The following ERC2 variants were observed in gnomAD, a reference collection of about 807,000 sequenced individuals.
The protein encoded by ERC2 is ERC protein 2.
A neutral mutation model predicts 114.8 loss-of-function variants in ERC2; 42 were observed. The ratio of observed to expected loss-of-function variants is 0.37; its 90% CI spans 0.29 to 0.47. The LOEUF (loss-of-function observed/expected upper bound fraction) is 0.47, where lower values mean the gene tolerates loss of function less well. ERC2 is among the 20% of genes least tolerant of loss of function. The pLI is 0.99. For missense variants in ERC2, 939 were observed against 1,150.7 expected (o/e 0.82, Z 2.66); for synonymous variants, 454 against 425.5 (o/e 1.07, Z -0.82).
intron 3 of ERC2, among the ~76,000 whole-genome samples, chr3:56,218,923 G>A (rs1363967411): frequency 1.3e-5 from 2 of 152,098 alleles, no homozygotes; most frequent in South Asian, 4.2e-4. Flanking sequence ...CTCACTCATA[G>A]GTGGGAACTG....
At chr3:55,873,925 T>C (rs1027827202) in intron 14 of ERC2, among the ~76,000 whole-genome samples, 3 of 152,234 alleles carry the variant, frequency 2.0e-5, no homozygotes, top group Non-Finnish European at 4.4e-5. Context: ...GACATTAGAC[T>C]GTTAACTAGG....
chr3:55,952,186 C>T (rs370757074), intron 12 of ERC2, among the ~76,000 whole-genome samples: 1 of 96,248 alleles, frequency 1.0e-5, no homozygotes, highest in African/African-American at 4.3e-5. Flanking sequence ...CACACTCTCT[C>T]TCTCTCTCTC....
chr3:56,031,163 C>T (rs1303975061), intron 7 of ERC2, among the ~76,000 whole-genome samples: 2 of 152,192 alleles, frequency 1.3e-5, no homozygotes, highest in Non-Finnish European at 2.9e-5. Flanking sequence ...CCCAGGTCAG[C>T]CCTAATGACC....
rs544739091 is a variant in ERC2 at position 55,600,547 on chromosome 3, G to A, written c.*39+83247C>T. Among the ~76,000 whole-genome samples the A allele has an allele frequency of 4.6e-5, 7 of 152,278 alleles. No individual in the cohort carries two copies. The South Asian group carries it at 1.5e-3, about 32-fold the overall frequency. ...GTCCCATTTTTTGTTGATTTATTTG[G>A]ATTTTCAGATCAAGACATTATTTCT... is the stretch of plus-strand genomic sequence containing the variant. On this transcript the variant is annotated intron_variant, in intron 17 of 17. Coordinates refer to ENST00000288221, the MANE Select transcript of ERC2 (RefSeq NM_015576.3).
intron 3 of ERC2, among the ~76,000 whole-genome samples, chr3:56,234,399 G>A (rs904816959): frequency 6.6e-6 from 1 of 152,140 alleles, no homozygotes; most frequent in African/African-American, 2.4e-5. Flanking sequence ...ATGGGTAATT[G>A]GAGAGCTGGG....
intron 2 of ERC2, among the ~76,000 whole-genome samples, chr3:56,352,605 T>C (rs370469010): frequency 4.6e-5 from 7 of 152,328 alleles, no homozygotes; most frequent in African/African-American, 9.6e-5. Flanking sequence ...ACCACAAATC[T>C]AGCAGTTAAA....
At position 55,543,920 on chromosome 3, in the gene ERC2, C is replaced by G. The variant is rs571463426; in HGVS notation, c.*40-32644G>C. Among the ~76,000 whole-genome samples the G allele has an allele frequency of 1.9e-4, 29 of 152,332 alleles. No individual in the cohort carries two copies. The South Asian group carries it at 2.9e-3, about 15-fold the overall frequency. On this transcript the variant is annotated intron_variant, in intron 17 of 17. Transcript: ENST00000288221. ...CTCCCCACGATCCTCAATTCAGATTCTCAAGAACAAGAACCTGCCTGGCCT... is the reference window on the plus strand; with the variant it reads ...CTCCCCACGATCCTCAATTCAGATTGTCAAGAACAAGAACCTGCCTGGCCT...
intron 14 of ERC2, among the ~76,000 whole-genome samples, chr3:55,861,589 T>C (rs1227992183): frequency 6.6e-6 from 1 of 152,246 alleles, no homozygotes; most frequent in Admixed American, 6.5e-5. Flanking sequence ...TAATTTTTTT[T>C]TCATTTCTCT....
intron 3 of ERC2, among the ~76,000 whole-genome samples, chr3:56,195,233 G>A (rs918709231): frequency 3.3e-5 from 5 of 152,132 alleles, no homozygotes; most frequent in African/African-American, 1.2e-4. Flanking sequence ...TAATAGGAAG[G>A]TGGCATAGAC....
chr3:55,688,565 G>T (rs2148793350), intron 16 of ERC2, among the ~76,000 whole-genome samples: 1 of 152,252 alleles, frequency 6.6e-6, no homozygotes, highest in East Asian at 1.9e-4. Flanking sequence ...CGTTGAACTT[G>T]GTCCTGCCTT....
chr3:55,912,710 C>T (rs34797820), intron 13 of ERC2, among the ~76,000 whole-genome samples: 92,217 of 151,686 alleles, frequency 0.61, 28,980 homozygotes, highest in Non-Finnish European at 0.66. Context: ...ATCATGGGCT[C>T]TTTTTTTCTA....
rs1013160448 is a variant in ERC2 at position 56,249,460 on chromosome 3, T to G, written c.1074+46559A>C. Among the ~76,000 whole-genome samples, 11 of 151,192 alleles carry G rather than the reference T, an allele frequency of 7.3e-5. No homozygotes were observed. In the East Asian group the frequency reaches 7.9e-4, roughly 11 times the overall value. On this transcript the variant is annotated intron_variant, in intron 3 of 17. Transcript: ENST00000288221. ...CCTGCCTCAGCCTCCCGAGTAGCTG[T>G]GACTACAGGCGCCCGCCACCACGCC...
intron 17 of ERC2, among the ~76,000 whole-genome samples, chr3:55,608,068 C>T (rs1413743514): frequency 1.3e-5 from 2 of 152,122 alleles, no homozygotes; most frequent in Non-Finnish European, 2.9e-5. Context: ...ACTCTAGCTA[C>T]CTTTGCATTA....
At chr3:56,052,725 A>G (rs1029676477) in intron 7 of ERC2, among the ~76,000 whole-genome samples, 3 of 152,210 alleles carry the variant, frequency 2.0e-5, no homozygotes, top group Admixed American at 2.0e-4. Flanking sequence ...GGGGAAATGG[A>G]ATTTTAAGAG....
In ERC2 at chr3:56,246,097, A is replaced by T. The variant is rs2051685221; in HGVS notation, c.1074+49922T>A. ...TCAGTTTTTCCTCAGATTCTTTAAA[A>T]AAAAAAAAAAAAAAAAAACTCATCT... On this transcript the variant is annotated intron_variant, in intron 3 of 17. Transcript: ENST00000288221. Among the ~76,000 whole-genome samples, 6 of 82,514 alleles carry T rather than the reference A, an allele frequency of 7.3e-5. No homozygotes were observed. The South Asian group carries it at 4.2e-3, about 58-fold the overall frequency. The allele number at this position is 82,514 out of a possible 152,430, so 54.1% of individuals were successfully genotyped here.
intron 4 of ERC2, among the ~76,000 whole-genome samples, chr3:56,151,472 A>G (rs1318083119): frequency 6.6e-6 from 1 of 152,200 alleles, no homozygotes; most frequent in Non-Finnish European, 1.5e-5. Context: ...TTAGGATTCA[A>G]AGGAAAACTG....
chr3:56,260,956 G>A (rs2052880902), intron 3 of ERC2, among the ~76,000 whole-genome samples: 1 of 152,096 alleles, frequency 6.6e-6, no homozygotes, highest in Admixed American at 6.5e-5. Context: ...CCACTCTATT[G>A]GTATTCTCGA....
chr3:56,366,317 C>CAATAGCAAACTCTGAATA (rs1402511444), intron 2 of ERC2, among the ~76,000 whole-genome samples: 2 of 152,196 alleles, frequency 1.3e-5, no homozygotes, highest in Admixed American at 6.5e-5. Context: ...GCCTCTCTTG[C>CAATAGCAAACTCTGAATA]AATAGCAAAC....
At position 56,339,332 on chromosome 3, in the gene ERC2, T is replaced by C. The variant is rs144296405; in HGVS notation, c.658-42897A>G. Among the ~76,000 whole-genome samples the C allele has an allele frequency of 2.6e-3, 392 of 152,082 alleles. 1 individual carries two copies. The highest frequency in any genetic ancestry group is 9.1e-3 in the African/African-American group (377 of 41,488). On this transcript the variant is annotated intron_variant, in intron 2 of 17. Transcript: ENST00000288221. ...GGAGGTGAACTATGGAATGCTTTGG[T>C]TTCATCAGGGGAAAGAGAAGTGTAA...
Sources: allele counts gnomAD v4.1 joint callset (sites outside exome capture counted in the v4.1 genomes callset), GRCh38; gene constraint gnomAD v4.1.1; transcripts MANE v1.5; gene names NCBI Gene and HGNC (gene_info 2026-07-23, HGNC 2026-07-21).